The following RC3H1 variants were observed in gnomAD, a reference collection of about 807,000 sequenced individuals.
RC3H1 encodes ring finger and CCCH-type domains 1, also known as roquin-1.
RC3H1 carries 50 observed loss-of-function variants against 138.2 expected under a neutral mutation model. The observed-to-expected ratio is 0.36, with a 90% CI of 0.29 to 0.46. The LOEUF is 0.46. Among genes scored for constraint, RC3H1 ranks in the 20% least tolerant of loss-of-function variants. RC3H1 has a pLI of 1.00. For missense variants in RC3H1, 1,031 were observed against 1,388.1 expected (o/e 0.74, Z 4.09); for synonymous variants, 462 against 489.1 (o/e 0.94, Z 0.73).
chr1:173,961,617 T>C (rs1160498815), intron 12 of RC3H1, 108 bp downstream of exon 12: 2 of 1,068,346 alleles, frequency 1.9e-6, no homozygotes, highest in Non-Finnish European at 2.6e-6. Context: ...AGAAGCTCTC[T>C]TATAAAAAAG....
chr1:173,935,629 A>T lies in RC3H1; in HGVS notation c.*3092T>A, dbSNP rs1658549449. On this transcript the variant is annotated 3_prime_UTR_variant, in exon 20 of 20. Transcript: ENST00000367696. ...ATACCTTTTCAATTTTGATTTTAAA[A>T]AAGTAGTTACAGAGTCAAGCAGTTA... The T allele has an allele frequency of 6.6e-6, 1 of 152,238 alleles. No homozygotes were observed. Among genetic ancestry groups the T allele is most frequent in the Non-Finnish European group, 1.5e-5 (1 of 68,040 alleles). 9.4% of individuals were successfully genotyped at this position (152,238 alleles called of 1,614,324 possible).
chr1:173,951,087 G>A (rs1416090849), intron 14 of RC3H1, among the ~76,000 whole-genome samples: 1 of 152,116 alleles, frequency 6.6e-6, no homozygotes, highest in Non-Finnish European at 1.5e-5. Context: ...CACTTTGGAA[G>A]GCCGAGGCGG....
intron 13 of RC3H1, among the ~76,000 whole-genome samples, chr1:173,952,619 A>T (rs1432886046): frequency 2.0e-5 from 3 of 152,146 alleles, no homozygotes; most frequent in Admixed American, 2.0e-4. Flanking sequence ...ATGATGATGT[A>T]GTAACTTTTT....
chr1:173,972,831 C>T (rs974771442), intron 7 of RC3H1, among the ~76,000 whole-genome samples: 3 of 152,058 alleles, frequency 2.0e-5, no homozygotes, highest in African/African-American at 7.2e-5. Context: ...CTGAAATAAC[C>T]ATAGGAACAA....
intron 1 of RC3H1, among the ~76,000 whole-genome samples, chr1:173,997,947 A>G (rs1661495518): frequency 6.6e-6 from 1 of 152,168 alleles, no homozygotes; most frequent in South Asian, 2.1e-4. Flanking sequence ...CATTCTTCCA[A>G]ACATTCTCCA....
At chr1:173,974,624 T>C (rs1660498450) in intron 7 of RC3H1, among the ~76,000 whole-genome samples, 1 of 151,194 alleles carries the variant, frequency 6.6e-6, no homozygotes, top group South Asian at 2.1e-4. Flanking sequence ...CCTGGCATGT[T>C]GCATGGAGGT....
intron 18 of RC3H1, among the ~76,000 whole-genome samples, chr1:173,942,667 CT>C (rs1358177256): frequency 6.6e-6 from 1 of 151,506 alleles, no homozygotes; most frequent in Non-Finnish European, 1.5e-5. Context: ...CCCGTCTCTA[CT>C]AAAAATACAA....
chr1:173,951,186 G>A (rs1482250242), intron 14 of RC3H1, among the ~76,000 whole-genome samples: 7 of 152,040 alleles, frequency 4.6e-5, no homozygotes, highest in East Asian at 1.9e-4. Context: ...TTAGCTGGCC[G>A]TGGTGGCGCA....
chr1:173,942,684 T>C (rs1266126038), intron 18 of RC3H1, among the ~76,000 whole-genome samples: 1 of 151,272 alleles, frequency 6.6e-6, no homozygotes, highest in East Asian at 2.0e-4. Flanking sequence ...TACAAAAAAT[T>C]AGCCAGGCGA....
chr1:173,974,786 T>C (rs78040264), intron 7 of RC3H1, among the ~76,000 whole-genome samples: 11,097 of 152,256 alleles, frequency 0.073, 596 homozygotes, highest in East Asian at 0.32. Flanking sequence ...GGAGAATTTA[T>C]GAGCAGAGGG....
intron 1 of RC3H1, among the ~76,000 whole-genome samples, chr1:173,996,466 T>G (rs570654751): frequency 6.6e-6 from 1 of 152,148 alleles, no homozygotes; most frequent in Non-Finnish European, 1.5e-5. Context: ...ATTAATCAAC[T>G]TGAACAATCA....
At position 173,940,813 on chromosome 1, in the gene RC3H1, T is replaced by C. The variant is rs181851080; in HGVS notation, c.3251+452A>G. ...GATCTAAGTTTTGTAACTCCAGATT[T>C]ATGCAAAAATATTCTTTTTTTTTTT... is the stretch of plus-strand genomic sequence containing the variant. On this transcript the variant is annotated intron_variant, in intron 19 of 19. Transcript: ENST00000367696. Among the ~76,000 whole-genome samples the C allele has an allele frequency of 3.6e-3, 535 of 148,670 alleles. 4 individuals are homozygous for C. Among genetic ancestry groups the C allele is most frequent in the African/African-American group, 0.014 (520 of 38,460 alleles).
chr1:173,969,040 G>A (rs1660238959), intron 9 of RC3H1, among the ~76,000 whole-genome samples: 1 of 151,540 alleles, frequency 6.6e-6, no homozygotes, highest in African/African-American at 2.4e-5. Context: ...TGTGTTTTTA[G>A]TAGAGACGGG....
At chr1:173,978,108 G>A (rs541821573) in intron 7 of RC3H1, among the ~76,000 whole-genome samples, 1 of 152,098 alleles carries the variant, frequency 6.6e-6, no homozygotes, top group East Asian at 1.9e-4. Flanking sequence ...ATCATGGAGA[G>A]GGCAAAAACA....
Position 173,995,991 on chromosome 1 carries a change from C to A in RC3H1, c.-150-2856G>T, listed in dbSNP as rs1046653390. 1.9e-4 allele frequency among the ~76,000 whole-genome samples: 29 copies of A among 152,198 alleles called. 1 individual carries two copies. The highest frequency in any genetic ancestry group is 1.9e-3 in the Admixed American group (29 of 15,284). Reference sequence around the variant, plus strand: ...AAATTGGGCTGGGTGTGGCGGCTCACGCCTGTAATCCCAGCACTTTGGGAG... The same window carrying A: ...AAATTGGGCTGGGTGTGGCGGCTCAAGCCTGTAATCCCAGCACTTTGGGAG... On this transcript the variant is annotated intron_variant, in intron 1 of 19. Coordinates refer to ENST00000367696, the MANE Select transcript of RC3H1 (RefSeq NM_172071.4).
At chr1:173,994,150 G>C (rs113136481) in intron 1 of RC3H1, among the ~76,000 whole-genome samples, 1 of 151,620 alleles carries the variant, frequency 6.6e-6, no homozygotes, top group African/African-American at 2.4e-5. Context: ...CCAGCGCTTT[G>C]GGAGGCTGAG....
At chr1:174,002,567 T>C (rs1661582226) in intron 1 of RC3H1, among the ~76,000 whole-genome samples, 1 of 152,300 alleles carries the variant, frequency 6.6e-6, no homozygotes, top group Middle Eastern at 3.4e-3. Context: ...ACTTGTCTCA[T>C]CTAAAAAAGT....
chr1:173,939,839 A>C (rs547982576), intron 19 of RC3H1, among the ~76,000 whole-genome samples: 34 of 152,264 alleles, frequency 2.2e-4, no homozygotes, highest in African/African-American at 8.2e-4. Flanking sequence ...CATCTCAAAA[A>C]AAAAATAAAA....
intron 1 of RC3H1, among the ~76,000 whole-genome samples, chr1:174,011,937 G>T (rs1245207968): frequency 1.3e-5 from 2 of 152,138 alleles, no homozygotes; most frequent in African/African-American, 4.8e-5. Context: ...TCACAGCCAG[G>T]CACGGTGGCT....
Sources: gnomAD v4.1 joint callset for allele counts (sites outside exome capture counted in the v4.1 genomes callset) on GRCh38, gnomAD v4.1.1 for gene constraint, MANE v1.5 for transcripts, NCBI Gene and HGNC (gene_info 2026-07-23, HGNC 2026-07-21) for gene names.